The following MAP4K3 variants were observed in gnomAD, a reference collection of about 807,000 sequenced individuals.
MAP4K3 encodes the protein mitogen-activated protein kinase kinase kinase kinase 3.
Under a neutral mutation model 143.5 loss-of-function variants are expected in MAP4K3, and 94 were observed. That is an observed-to-expected ratio of 0.65 (90% CI 0.55 to 0.78). The LOEUF (loss-of-function observed/expected upper bound fraction) is 0.78. Among genes scored for constraint, MAP4K3 ranks in the 30% least tolerant of loss-of-function variants. The probability of loss-of-function intolerance (pLI) is 0.00; values close to 1 mark genes in which losing one functional copy is unlikely to be tolerated. For missense variants in MAP4K3, 1,077 were observed against 1,068.1 expected (o/e 1.01, Z -0.12); for synonymous variants, 416 against 347.2 (o/e 1.20, Z -2.20).
intron 2 of MAP4K3, among the ~76,000 whole-genome samples, chr2:39,369,195 T>TTTTTTTTTG (rs759812122): frequency 3.9e-4 from 35 of 89,038 alleles, no homozygotes; most frequent in Admixed American, 2.3e-3. Context: ...TTGGGCTAGT[T>TTTTTTTTTG]TTTTTTTTTG....
At chr2:39,416,777 TAATC>T (rs964344626) in intron 1 of MAP4K3, among the ~76,000 whole-genome samples, 31 of 152,252 alleles carry the variant, frequency 2.0e-4, no homozygotes, top group Non-Finnish European at 3.8e-4. Flanking sequence ...TTAAAAATGA[TAATC>T]AACACTACAA....
chr2:39,436,864 C>G (rs754417746), intron 1 of MAP4K3, 28 bp downstream of exon 1: 2 of 1,574,830 alleles, frequency 1.3e-6, no homozygotes, highest in East Asian at 4.8e-5. Context: ...ATCCCACGGC[C>G]TCGGCGGCGC....
intron 28 of MAP4K3, among the ~76,000 whole-genome samples, chr2:39,264,947 G>C (rs1036295197): frequency 1.3e-5 from 2 of 152,112 alleles, no homozygotes; most frequent in African/African-American, 4.8e-5. Context: ...TCCTGTTTCT[G>C]CCATCAGGCT....
intron 22 of MAP4K3, among the ~76,000 whole-genome samples, chr2:39,282,047 T>C (rs1398036743): frequency 1.3e-5 from 2 of 149,406 alleles, no homozygotes; most frequent in Non-Finnish European, 1.5e-5. Flanking sequence ...CACAAAAAAT[T>C]AGCCAGGCAT....
At chr2:39,345,913 C>T (rs1179346324) in intron 3 of MAP4K3, among the ~76,000 whole-genome samples, 3 of 104,922 alleles carry the variant, frequency 2.9e-5, no homozygotes, top group South Asian at 3.7e-4. Context: ...CAGAGCTAGA[C>T]TCTGTCTCAA....
rs55780656 is a variant in MAP4K3 at position 39,336,471 on chromosome 2, C to CAAAAAA, written c.414+443_414+448dup. Reference sequence around the variant, plus strand: ...TGGGCAACAGAGCGAGACTCCATCTCAAAAAAAAAAAAAAAAAAAAAAAAA... The same window carrying CAAAAAA: ...TGGGCAACAGAGCGAGACTCCATCTCAAAAAAAAAAAAAAAAAAAAAAAAAAAAAAA... On this transcript the variant is annotated intron_variant, in intron 6 of 33. Coordinates refer to ENST00000263881, the MANE Select transcript of MAP4K3 (RefSeq NM_003618.4). 2.0e-3 allele frequency among the ~76,000 whole-genome samples: 78 copies of CAAAAAA among 38,680 alleles called. 3 individuals carry two copies. The highest frequency in any genetic ancestry group is 5.8e-3 in the African/African-American group (40 of 6,842). 25.4% of individuals were successfully genotyped at this position (38,680 alleles called of 152,430 possible). A position where few individuals can be genotyped will look rare whatever the true frequency, so the allele number is the denominator to read the frequency against.
chr2:39,379,352 T>C (rs933061696), intron 1 of MAP4K3, among the ~76,000 whole-genome samples: 36 of 152,012 alleles, frequency 2.4e-4, no homozygotes, highest in African/African-American at 8.5e-4. Context: ...CATTTAAAAA[T>C]TGTTCCTTCA....
At chr2:39,337,865 TCCTCCCACCTCAG>T (rs1665019697) in intron 4 of MAP4K3, among the ~76,000 whole-genome samples, 1 of 146,116 alleles carries the variant, frequency 6.8e-6, no homozygotes, top group Admixed American at 7.2e-5. Context: ...GCTCAAGTGA[TCCTCCCACCTCAG>T]CCTCTTGAGT....
rs190157356 is a variant in MAP4K3 at position 39,404,666 on chromosome 2, G to C, written c.97-26543C>G. Among the ~76,000 whole-genome samples, 62 of 141,080 alleles carry C rather than the reference G, an allele frequency of 4.4e-4. No homozygotes were observed. In the East Asian group the frequency reaches 0.012, roughly 27 times the overall value. 92.6% of individuals were successfully genotyped at this position (141,080 alleles called of 152,430 possible). On this transcript the variant is annotated intron_variant, in intron 1 of 33. Transcript: ENST00000263881. ...GGTGGAGTTTTGCTCTTATTGCCCA[G>C]GCTGGAGTGCAACGGCACGATCTCG...
chr2:39,374,515 C>G (rs1369298627), intron 2 of MAP4K3, among the ~76,000 whole-genome samples: 1 of 152,022 alleles, frequency 6.6e-6, no homozygotes, highest in African/African-American at 2.4e-5. Context: ...AACCCCGTCT[C>G]TACTAAAAAT....
At chr2:39,309,226 G>A (rs1009696734) in intron 14 of MAP4K3, among the ~76,000 whole-genome samples, 3 of 152,026 alleles carry the variant, frequency 2.0e-5, no homozygotes, top group African/African-American at 7.2e-5. Flanking sequence ...TGGGCTCAAG[G>A]GATCCTCCTG....
intron 4 of MAP4K3, 85 bp downstream of exon 4, chr2:39,343,303 G>C: frequency 1.1e-6 from 1 of 898,508 alleles, no homozygotes; most frequent in Non-Finnish European, 1.8e-6. Context: ...CTTTCCTTAA[G>C]ATAATGTTGA....
chr2:39,414,918 T>C (rs1250770428), intron 1 of MAP4K3, among the ~76,000 whole-genome samples: 2 of 152,070 alleles, frequency 1.3e-5, no homozygotes, highest in Non-Finnish European at 2.9e-5. Context: ...ACTTTGAACC[T>C]TGTATGAAAG....
At chr2:39,343,615 T>C (rs1305435318) in intron 3 of MAP4K3, among the ~76,000 whole-genome samples, 163 bp from the exon 4 acceptor site, 1 of 152,192 alleles carries the variant, frequency 6.6e-6, no homozygotes, top group Non-Finnish European at 1.5e-5. Flanking sequence ...AATTACTTAA[T>C]ATAATGTGTT....
chr2:39,297,356 G>A (rs1376205080), intron 16 of MAP4K3, among the ~76,000 whole-genome samples: 1 of 152,116 alleles, frequency 6.6e-6, no homozygotes, highest in African/African-American at 2.4e-5. Context: ...GACCTCAGGT[G>A]ATCTACTCGC....
intron 31 of MAP4K3, 118 bp downstream of exon 31, chr2:39,258,230 C>A (rs1376089250): frequency 3.8e-6 from 3 of 782,136 alleles, no homozygotes; most frequent in Non-Finnish European, 4.0e-6. Context: ...CCATGCCCAG[C>A]CATATCCTTT....
At chr2:39,413,804 C>CTATG (rs1667296358) in intron 1 of MAP4K3, among the ~76,000 whole-genome samples, 2 of 151,714 alleles carry the variant, frequency 1.3e-5, no homozygotes, top group Non-Finnish European at 2.9e-5. Flanking sequence ...TGCTAAGAAC[C>CTATG]TCTTAAGTGA....
intron 2 of MAP4K3, among the ~76,000 whole-genome samples, chr2:39,363,756 T>TGCATCAGA (rs901528833): frequency 2.6e-5 from 4 of 151,414 alleles, no homozygotes; most frequent in Admixed American, 6.6e-5. Flanking sequence ...AACATACATA[T>TGCATCAGA]GCATCAGAAT....
Position 39,260,744 on chromosome 2 carries a change from T to A in MAP4K3, c.2170A>T (p.Met724Leu). 2 of 1,613,350 alleles carry A rather than the reference T, an allele frequency of 1.2e-6. No individual in the cohort carries two copies. Among genetic ancestry groups the A allele is most frequent in the Non-Finnish European group, 1.7e-6 (2 of 1,179,336 alleles). ...TCAGGAACTACCAGCATTTCAAACA[T>A]TCTAAGTGGACATGGTATAGGAAAA... ...IDFPIPCPLRMFEMLVVPEQE... is the reference protein window; with the variant it reads ...IDFPIPCPLRLFEMLVVPEQE... The change falls in exon 29 of 34, where the codon ATG (methionine) becomes TTG (leucine). Residue 724 changes from methionine to leucine, a missense_variant. This residue lies in a region of MAP4K3 where 864 missense variants were observed against 801.2 expected (regional missense o/e 1.08). Transcript: ENST00000263881.
Sources: gnomAD v4.1 joint callset for allele counts (sites outside exome capture counted in the v4.1 genomes callset) on GRCh38, gnomAD v4.1.1 for gene constraint, gnomAD v4.1.1 regional missense constraint, MANE v1.5 for transcripts, NCBI Gene and HGNC (gene_info 2026-07-23, HGNC 2026-07-21) for gene names.